The following HRH1 variants were observed in gnomAD, a reference collection of about 807,000 sequenced individuals.
HRH1 encodes the protein histamine H1 receptor.
A neutral mutation model predicts 10.3 loss-of-function variants in HRH1; 6 were observed. The ratio of observed to expected loss-of-function variants is 0.58; its 90% CI spans 0.32 to 1.15. The LOEUF (loss-of-function observed/expected upper bound fraction) is 1.15. Ranked by LOEUF, HRH1 falls within the 50% of genes most tolerant of loss-of-function variation. The pLI, the probability that HRH1 is intolerant of heterozygous loss-of-function variation, is 0.05. For missense variants in HRH1, 514 were observed against 615.3 expected (o/e 0.84, Z 1.74); for synonymous variants, 242 against 236.7 (o/e 1.02, Z -0.21).
intron 1 of HRH1, among the ~76,000 whole-genome samples, chr3:11,159,140 T>A (rs1287859477): frequency 6.6e-6 from 1 of 152,102 alleles, no homozygotes; most frequent in Non-Finnish European, 1.5e-5. Flanking sequence ...CCCAGCTACT[T>A]GGGGGAATGA....
chr3:11,196,428 A>G (rs1429659604), intron 1 of HRH1, among the ~76,000 whole-genome samples: 1 of 151,816 alleles, frequency 6.6e-6, no homozygotes, highest in African/African-American at 2.4e-5. Flanking sequence ...TTCTTTTGAG[A>G]CAGCTTTGCT....
chr3:11,177,253 T>TAAATTAAATAAATAAATAAATAAA (rs1553569987), intron 1 of HRH1, among the ~76,000 whole-genome samples: 2 of 149,342 alleles, frequency 1.3e-5, no homozygotes, highest in African/African-American at 5.0e-5. Context: ...AATAAATAAA[T>TAAATTAAATAAATAAATAAATAAA]TAAATAAATA....
chr3:11,232,676 C>A (rs1304521132), intron 1 of HRH1, among the ~76,000 whole-genome samples: 4 of 152,158 alleles, frequency 2.6e-5, no homozygotes, highest in African/African-American at 9.7e-5. Context: ...AGACATCTTG[C>A]TGATATTTTG....
chr3:11,196,952 A>AC (rs1937678092), intron 1 of HRH1, among the ~76,000 whole-genome samples: 1 of 75,844 alleles, frequency 1.3e-5, no homozygotes, highest in Non-Finnish European at 2.6e-5. Flanking sequence ...TACTAAAAAT[A>AC]CAAAAAAAAA....
At chr3:11,150,351 C>G (rs1936575568), upstream of HRH1, among the ~76,000 whole-genome samples, 1 of 152,238 alleles carries the variant, frequency 6.6e-6, no homozygotes, top group African/African-American at 2.4e-5. Flanking sequence ...GGAAACAAAT[C>G]AAGAGAAGGG....
intron 1 of HRH1, among the ~76,000 whole-genome samples, chr3:11,241,295 A>G (rs982865278): frequency 2.0e-5 from 3 of 152,250 alleles, no homozygotes; most frequent in African/African-American, 7.2e-5. Flanking sequence ...TACGTCTTCT[A>G]TAAATTTCAT....
intron 1 of HRH1, chr3:11,252,991 A>C (rs1204253564): frequency 6.6e-6 from 1 of 152,130 alleles, no homozygotes; most frequent in East Asian, 1.9e-4. Context: ...GCCTAAGCCT[A>C]ATTTTAGTAT....
intron 1 of HRH1, among the ~76,000 whole-genome samples, chr3:11,194,355 C>G (rs551894333): frequency 6.9e-4 from 105 of 152,320 alleles, no homozygotes; most frequent in Non-Finnish European, 1.1e-3. Flanking sequence ...CCCACCCTGT[C>G]TGTTGTGAGG....
rs575573878 is a variant in HRH1, at chr3:11,238,180, G to T, written c.-35-20823G>T. ...GGGGAGCAGACAAACAATCAAACAA[G>T]TTCAATCTCTTAAACCAAATTATAA... On this transcript the variant is annotated intron_variant, in intron 1 of 1. Coordinates refer to ENST00000431010, the MANE Select transcript of HRH1 (RefSeq NM_001098212.2). Among the ~76,000 whole-genome samples, 100 of 152,280 alleles carry T rather than the reference G, an allele frequency of 6.6e-4. 2 individuals carry two copies. The South Asian group carries it at 0.019, about 30-fold the overall frequency.
intron 1 of HRH1, among the ~76,000 whole-genome samples, chr3:11,231,097 G>GTCCCAAAA: frequency 6.6e-6 from 1 of 152,130 alleles, no homozygotes; most frequent in Non-Finnish European, 1.5e-5. Context: ...ATGTCACACA[G>GTCCCAAAA]TTAGTAACCT....
At chr3:11,217,454 G>C (rs966231957) in intron 1 of HRH1, among the ~76,000 whole-genome samples, 1 of 151,842 alleles carries the variant, frequency 6.6e-6, no homozygotes, top group Non-Finnish European at 1.5e-5. Context: ...ACTTGAACCC[G>C]GCAGGCGGAG....
At chr3:11,244,450 C>G (rs914279706) in intron 1 of HRH1, among the ~76,000 whole-genome samples, 1 of 152,150 alleles carries the variant, frequency 6.6e-6, no homozygotes, top group African/African-American at 2.4e-5. Flanking sequence ...CAGTGAAAAA[C>G]AAGGAAAGGT....
intron 1 of HRH1, among the ~76,000 whole-genome samples, chr3:11,180,027 C>T (rs545451660): frequency 1.4e-4 from 21 of 151,978 alleles, no homozygotes; most frequent in Non-Finnish European, 2.4e-4. Context: ...CCTCCCAAAG[C>T]GCTGGAATTA....
chr3:11,144,026 C>T (rs1235311398), intron 1 of HRH1, among the ~76,000 whole-genome samples: 1 of 152,084 alleles, frequency 6.6e-6, no homozygotes, highest in Non-Finnish European at 1.5e-5. Context: ...GTCAGAACGG[C>T]TATTGCTAAA....
intron 1 of HRH1, among the ~76,000 whole-genome samples, chr3:11,254,603 G>C (rs187868952): frequency 6.6e-6 from 1 of 152,148 alleles, no homozygotes; most frequent in Non-Finnish European, 1.5e-5. Flanking sequence ...ATCACACCAG[G>C]TGGGTCTCGA....
At chr3:11,142,159 G>C (rs1281777877) in intron 1 of HRH1, among the ~76,000 whole-genome samples, 3 of 152,206 alleles carry the variant, frequency 2.0e-5, no homozygotes, top group Non-Finnish European at 2.9e-5. Flanking sequence ...GCAACAGAGG[G>C]AAAATCACCA....
At position 11,259,004 on chromosome 3, in the gene HRH1, G is replaced by T. The variant is rs202197666; in HGVS notation, c.-34G>T. ...TACTTTTTCTCTCTTTTCTCCCAGGGAGTGAGCCATAACTGGTGGCTGCTC... is the reference window on the plus strand; with the variant it reads ...TACTTTTTCTCTCTTTTCTCCCAGGTAGTGAGCCATAACTGGTGGCTGCTC... On this transcript the variant is annotated splice_region_variant and 5_prime_UTR_variant, in exon 2 of 2. Coordinates refer to ENST00000431010, the MANE Select transcript of HRH1 (RefSeq NM_001098212.2). This position sits in a 1 kb window ranked among gnomAD's most constrained non-coding sequence, Gnocchi z 4.6. The T allele has an allele frequency of 6.5e-7, 1 of 1,550,008 alleles. No individual in the cohort carries two copies. Among genetic ancestry groups the T allele is most frequent in the Non-Finnish European group, 8.7e-7 (1 of 1,148,796 alleles).
chr3:11,254,062 G>A lies in HRH1; in HGVS notation c.-35-4941G>A, dbSNP rs546169923. ...TCCATTATCCTTCCAATATTCTAAC[G>A]TTAGGCCTAGGGGACTATCAGAGGG... is the stretch of plus-strand genomic sequence containing the variant. On this transcript the variant is annotated intron_variant, in intron 1 of 1. Coordinates refer to ENST00000431010, the MANE Select transcript of HRH1 (RefSeq NM_001098212.2). Among the ~76,000 whole-genome samples the A allele has an allele frequency of 3.3e-5, 5 of 152,030 alleles. No homozygotes were observed. The East Asian group carries it at 5.8e-4, about 18-fold the overall frequency.
chr3:11,210,794 A>G (rs529048769), intron 1 of HRH1, among the ~76,000 whole-genome samples: 1 of 111,840 alleles, frequency 8.9e-6, no homozygotes, highest in African/African-American at 3.1e-5. Context: ...TCCTGTCTCA[A>G]AAGAAAAAAA....
Sources: gnomAD v4.1 joint callset for allele counts (sites outside exome capture counted in the v4.1 genomes callset) on GRCh38, gnomAD v4.1.1 for gene constraint, Gnocchi (gnomAD v3.1) non-coding constraint, MANE v1.5 for transcripts, NCBI Gene and HGNC (gene_info 2026-07-23, HGNC 2026-07-21) for gene names.